ZNF521: variants seen among roughly 807,000 people sequenced by gnomAD.
The protein encoded by ZNF521 is LYST-interacting protein 3.
In ZNF521, 14 loss-of-function variants were observed where a neutral mutation model predicts 105.5. The ratio of observed to expected loss-of-function variants is 0.13; its 90% CI spans 0.09 to 0.21. The LOEUF is 0.21. ZNF521 is among the 10% of genes least tolerant of loss of function. The pLI, the probability that ZNF521 is intolerant of heterozygous loss-of-function variation, is 1.00. For missense variants in ZNF521, 1,233 were observed against 1,629.7 expected (o/e 0.76, Z 4.19); for synonymous variants, 635 against 606.0 (o/e 1.05, Z -0.70).
At chr18:25,135,543 A>G (rs977636909) in intron 5 of ZNF521, among the ~76,000 whole-genome samples, 3 of 152,202 alleles carry the variant, frequency 2.0e-5, no homozygotes, top group African/African-American at 7.2e-5. Context: ...CTGCAATTAA[A>G]GATATGATTT....
intron 3 of ZNF521, among the ~76,000 whole-genome samples, chr18:25,308,649 TC>T (rs796428241): frequency 0.056 from 2,092 of 37,052 alleles, 22 homozygotes; most frequent in African/African-American, 0.13. Context: ...CTTAATGACA[TC>T]CCCCCCCCCC....
chr18:25,351,648 C>T (rs1389909272), intron 1 of ZNF521: 2 of 152,650 alleles, frequency 1.3e-5, no homozygotes, highest in Admixed American at 1.3e-4. Flanking sequence ...GAAAAAAATA[C>T]TTTTTTTCTC....
intron 3 of ZNF521, among the ~76,000 whole-genome samples, chr18:25,274,992 G>A (rs1272633063): frequency 6.6e-6 from 1 of 152,140 alleles, no homozygotes; most frequent in Non-Finnish European, 1.5e-5. Context: ...GGAGGGAACA[G>A]AAATAAGGAA....
At chr18:25,346,795 C>T (rs1051760694) in intron 2 of ZNF521, among the ~76,000 whole-genome samples, 1 of 152,184 alleles carries the variant, frequency 6.6e-6, no homozygotes, top group African/African-American at 2.4e-5. Context: ...TCCCACCACT[C>T]CTCTCCAGAG....
chr18:25,223,649 C>T (rs958407313), intron 4 of ZNF521, among the ~76,000 whole-genome samples: 3 of 151,278 alleles, frequency 2.0e-5, no homozygotes, highest in Non-Finnish European at 2.9e-5. Context: ...TTTTTGTACT[C>T]GTCACGGCAA....
At chr18:25,191,198 T>G (rs2035811752) in intron 5 of ZNF521, among the ~76,000 whole-genome samples, 1 of 152,110 alleles carries the variant, frequency 6.6e-6, no homozygotes, top group Non-Finnish European at 1.5e-5. Flanking sequence ...AAATAAAACA[T>G]ATTAAGTAAC....
At chr18:25,209,576 G>A (rs376966204) in intron 4 of ZNF521, among the ~76,000 whole-genome samples, 1 of 152,230 alleles carries the variant, frequency 6.6e-6, no homozygotes, top group Non-Finnish European at 1.5e-5. Flanking sequence ...CCTTTCAAAC[G>A]AACTGCTTCT....
At chr18:25,101,531 G>A (rs904838028) in intron 5 of ZNF521, among the ~76,000 whole-genome samples, 6 of 152,134 alleles carry the variant, frequency 3.9e-5, no homozygotes, top group African/African-American at 1.4e-4. Context: ...GTAAAGGCAG[G>A]AATCTTACTA....
chr18:25,281,036 A>G (rs1057403351), intron 3 of ZNF521, among the ~76,000 whole-genome samples: 4 of 152,098 alleles, frequency 2.6e-5, no homozygotes, highest in East Asian at 1.9e-4. Context: ...CTCATTTTCT[A>G]CTTCCCAGTT....
At chr18:25,261,127 C>G (rs1034302240) in intron 3 of ZNF521, among the ~76,000 whole-genome samples, 4 of 152,104 alleles carry the variant, frequency 2.6e-5, no homozygotes, top group African/African-American at 9.7e-5. Context: ...TCTGGGAATT[C>G]ATGTCCAGAG....
rs188370781 is a variant in ZNF521, at chr18:25,199,291, T to C, written c.3574-4047A>G. Among the ~76,000 whole-genome samples, 393 of 150,146 alleles carry C rather than the reference T, an allele frequency of 2.6e-3. 2 individuals carry two copies. The highest frequency in any genetic ancestry group is 3.3e-3 in the Non-Finnish European group (221 of 67,484). ...CTTCAAAAGAAATGGCCTATTGTCA[T>C]GGGAAAAAAAAAGTGAACAGATGAA... On this transcript the variant is annotated intron_variant, in intron 4 of 7. Coordinates refer to ENST00000361524, the MANE Select transcript of ZNF521 (RefSeq NM_015461.3).
chr18:25,263,884 A>C (rs960564176), intron 3 of ZNF521, among the ~76,000 whole-genome samples: 1 of 152,218 alleles, frequency 6.6e-6, no homozygotes, highest in African/African-American at 2.4e-5. Flanking sequence ...GGCCTAGGTC[A>C]ATAACTTTCT....
chr18:25,279,383 GTATT>G (rs147316800), intron 3 of ZNF521, among the ~76,000 whole-genome samples: 408 of 152,276 alleles, frequency 2.7e-3, no homozygotes, highest in African/African-American at 9.4e-3. Context: ...GCTTCATAGA[GTATT>G]TATTTTTGAC....
chr18:25,208,868 A>C (rs1404632814), intron 4 of ZNF521, among the ~76,000 whole-genome samples: 3 of 152,138 alleles, frequency 2.0e-5, no homozygotes, highest in African/African-American at 7.2e-5. Flanking sequence ...TTAAATTTTC[A>C]GTAGAGACGA....
intron 5 of ZNF521, among the ~76,000 whole-genome samples, chr18:25,148,986 G>A (rs1041071949): frequency 2.0e-5 from 3 of 152,110 alleles, no homozygotes; most frequent in Non-Finnish European, 4.4e-5. Flanking sequence ...TAAAACAAAT[G>A]TACAGAAGAG....
intron 3 of ZNF521, among the ~76,000 whole-genome samples, chr18:25,244,308 A>G (rs1568031896): frequency 6.7e-6 from 1 of 149,542 alleles, no homozygotes; most frequent in East Asian, 2.0e-4. Flanking sequence ...ACACACACAC[A>G]CACACTCTCA....
At chr18:25,286,185 T>G (rs751057610) in intron 3 of ZNF521, among the ~76,000 whole-genome samples, 32 of 152,094 alleles carry the variant, frequency 2.1e-4, no homozygotes, top group Non-Finnish European at 3.5e-4. Flanking sequence ...AGTGGAATAC[T>G]GAAGAGCTCT....
rs58646904 is a variant in ZNF521, at chr18:25,200,569, C to T, written c.3574-5325G>A. Among the ~76,000 whole-genome samples, 44 of 152,260 alleles carry T rather than the reference C, an allele frequency of 2.9e-4. No individual in the cohort carries two copies. In the East Asian group the frequency reaches 8.3e-3, roughly 29 times the overall value. On this transcript the variant is annotated intron_variant, in intron 4 of 7. Coordinates refer to ENST00000361524, the MANE Select transcript of ZNF521 (RefSeq NM_015461.3). ...TATCTAAGACACTCTCCATTCACTT[C>T]TATCAGAATCCTTATTAGACACAGA... is the stretch of plus-strand genomic sequence containing the variant.
intron 2 of ZNF521, among the ~76,000 whole-genome samples, chr18:25,331,893 C>CTTTTTTTT (rs11407486): frequency 1.3e-4 from 17 of 134,420 alleles, no homozygotes; most frequent in East Asian, 4.3e-4. Context: ...TTGCTTTTTT[C>CTTTTTTTT]TTTTTTTTTT....
Sources: gnomAD v4.1 joint callset for allele counts (sites outside exome capture counted in the v4.1 genomes callset) on GRCh38, gnomAD v4.1.1 for gene constraint, MANE v1.5 for transcripts, NCBI Gene and HGNC (gene_info 2026-07-23, HGNC 2026-07-21) for gene names.